The following ACOXL variants were observed in gnomAD, a reference collection of about 807,000 sequenced individuals.
The protein encoded by ACOXL is acyl-coenzyme A oxidase-like protein.
In ACOXL, 70 loss-of-function variants were observed where a neutral mutation model predicts 71.9. The observed-to-expected ratio is 0.97, with a 90% CI of 0.80 to 1.19. The LOEUF (loss-of-function observed/expected upper bound fraction) is 1.19. ACOXL is among the 50% of genes most tolerant of loss of function. The pLI is 0.00. For synonymous variants in ACOXL, 253 were observed against 281.6 expected (o/e 0.90, Z 1.02); for missense variants, 703 against 736.3 (o/e 0.95, Z 0.52).
At chr2:110,968,479 G>T in intron 12 of ACOXL, 1 of 1,306,006 alleles carries the variant, frequency 7.7e-7, no homozygotes, top group South Asian at 1.2e-5. Context: ...GGAAGAAGAT[G>T]AAGATGCTTA....
At chr2:110,800,682 T>C (rs1224506260) in intron 7 of ACOXL, among the ~76,000 whole-genome samples, 2 of 152,052 alleles carry the variant, frequency 1.3e-5, no homozygotes, top group African/African-American at 4.8e-5. Context: ...AAGTGGCCCA[T>C]CCTTTAGTGG....
intron 17 of ACOXL, among the ~76,000 whole-genome samples, chr2:111,095,185 G>A (rs1444831948): frequency 6.8e-6 from 1 of 147,200 alleles, no homozygotes; most frequent in East Asian, 2.0e-4. Flanking sequence ...CAAAGAGAGT[G>A]CCCACTTTGG....
At chr2:110,820,727 G>T (rs1401579650) in intron 9 of ACOXL, among the ~76,000 whole-genome samples, 1 of 152,212 alleles carries the variant, frequency 6.6e-6, no homozygotes, top group Non-Finnish European at 1.5e-5. Context: ...TGCCAGGCAA[G>T]GTGAAGATGT....
chr2:110,800,940 C>T (rs916239037), intron 7 of ACOXL, among the ~76,000 whole-genome samples: 1 of 152,160 alleles, frequency 6.6e-6, no homozygotes, highest in African/African-American at 2.4e-5. Flanking sequence ...CTCTGGTGCC[C>T]TTGTAAGCTG....
chr2:110,889,412 T>C (rs1338884245), intron 10 of ACOXL, among the ~76,000 whole-genome samples: 1 of 152,242 alleles, frequency 6.6e-6, no homozygotes, highest in African/African-American at 2.4e-5. Flanking sequence ...GTCTTCAATG[T>C]GTTGTGCAGC....
At chr2:110,769,686 T>C (rs1306903680) in intron 2 of ACOXL, among the ~76,000 whole-genome samples, 1 of 148,032 alleles carries the variant, frequency 6.8e-6, no homozygotes, top group Non-Finnish European at 1.5e-5. Flanking sequence ...AAAACAAAAA[T>C]TAGCCAGGTG....
intron 10 of ACOXL, among the ~76,000 whole-genome samples, chr2:110,885,681 C>A (rs927360812): frequency 1.3e-5 from 2 of 152,148 alleles, no homozygotes; most frequent in Non-Finnish European, 2.9e-5. Flanking sequence ...AATGTTCAAA[C>A]TTCCTTAGTA....
chr2:110,946,485 T>C (rs2061112691), intron 12 of ACOXL, among the ~76,000 whole-genome samples: 2 of 152,156 alleles, frequency 1.3e-5, no homozygotes, highest in South Asian at 2.1e-4. Flanking sequence ...TGGTTTCAGC[T>C]TTTGCCCACT....
chr2:111,116,551 T>C (rs2070366672), intron 17 of ACOXL, among the ~76,000 whole-genome samples: 1 of 152,200 alleles, frequency 6.6e-6, no homozygotes, highest in South Asian at 2.1e-4. Flanking sequence ...AACTGTGATC[T>C]TAACAACATC....
chr2:110,888,927 T>C (rs751534356), intron 10 of ACOXL, among the ~76,000 whole-genome samples: 1 of 152,216 alleles, frequency 6.6e-6, no homozygotes, highest in African/African-American at 2.4e-5. Context: ...AGAAAATTCA[T>C]AGTTAGGAGA....
chr2:110,798,424 T>A (rs953057539), intron 5 of ACOXL, among the ~76,000 whole-genome samples, 186 bp from the exon 6 acceptor site: 2 of 151,908 alleles, frequency 1.3e-5, no homozygotes, highest in South Asian at 2.1e-4. Flanking sequence ...GCCTGGCTAA[T>A]TTTTTGTATT....
chr2:110,991,759 G>A (rs1360238173), intron 13 of ACOXL, among the ~76,000 whole-genome samples: 5 of 151,898 alleles, frequency 3.3e-5, no homozygotes, highest in Non-Finnish European at 7.4e-5. Flanking sequence ...TTGAAAACAC[G>A]AGCTCCTACA....
chr2:110,963,963 A>G (rs1039415033), intron 12 of ACOXL, among the ~76,000 whole-genome samples: 4 of 152,180 alleles, frequency 2.6e-5, no homozygotes, highest in Non-Finnish European at 4.4e-5. Context: ...TAGGAAGGGT[A>G]TTTTGAAAGA....
intron 12 of ACOXL, among the ~76,000 whole-genome samples, chr2:110,986,846 T>A (rs936223207): frequency 6.6e-6 from 1 of 151,940 alleles, no homozygotes; most frequent in Non-Finnish European, 1.5e-5. Flanking sequence ...CCAGGACCAG[T>A]GTTAGAGACT....
intron 10 of ACOXL, among the ~76,000 whole-genome samples, chr2:110,863,124 C>G (rs1694159121): frequency 6.6e-6 from 1 of 152,124 alleles, no homozygotes; most frequent in Admixed American, 6.5e-5. Context: ...ACCCAAGATG[C>G]AGAAAACATT....
At chr2:110,792,616 C>G (rs1684784071) in intron 3 of ACOXL, among the ~76,000 whole-genome samples, 1 of 152,050 alleles carries the variant, frequency 6.6e-6, no homozygotes, top group South Asian at 2.1e-4. Flanking sequence ...ATAGCAAGAC[C>G]TCATCTCTAC....
At chr2:111,024,209 G>A (rs1242172169) in intron 14 of ACOXL, among the ~76,000 whole-genome samples, 1 of 152,196 alleles carries the variant, frequency 6.6e-6, no homozygotes, top group Non-Finnish European at 1.5e-5. Context: ...TCCCCAGGTT[G>A]TAGATTGAAT....
intron 1 of ACOXL, among the ~76,000 whole-genome samples, chr2:110,743,072 A>G (rs772849494): frequency 1.1e-4 from 16 of 152,172 alleles, no homozygotes; most frequent in Admixed American, 2.0e-4. Flanking sequence ...TTCACCCTTC[A>G]CTTATTTCCC....
chr2:110,804,632 A>G (rs1213584782), intron 8 of ACOXL, among the ~76,000 whole-genome samples: 2 of 151,776 alleles, frequency 1.3e-5, no homozygotes, highest in South Asian at 2.1e-4. Context: ...TATCCATACA[A>G]TGGAATACTA....
Sources: allele counts gnomAD v4.1 joint callset (sites outside exome capture counted in the v4.1 genomes callset), GRCh38; gene constraint gnomAD v4.1.1; transcripts MANE v1.5; gene names NCBI Gene and HGNC (gene_info 2026-07-23, HGNC 2026-07-21).